The following ASAP2 variants were observed in gnomAD, a reference collection of about 807,000 sequenced individuals.
ASAP2 encodes ArfGAP with SH3 domain, ankyrin repeat and PH domain 2.
ASAP2 carries 45 observed loss-of-function variants against 131.4 expected under a neutral mutation model. That is an observed-to-expected ratio of 0.34 (90% CI 0.27 to 0.44). The LOEUF is 0.44. Among genes scored for constraint, ASAP2 ranks in the 20% least tolerant of loss-of-function variants. The pLI, the probability that ASAP2 is intolerant of heterozygous loss-of-function variation, is 1.00. For missense variants in ASAP2, 1,011 were observed against 1,297.0 expected (o/e 0.78, Z 3.39); for synonymous variants, 510 against 503.0 (o/e 1.01, Z -0.19).
intron 26 of ASAP2, among the ~76,000 whole-genome samples, 189 bp from the exon 27 acceptor site, chr2:9,401,085 G>A (rs948598664): frequency 1.3e-5 from 2 of 151,960 alleles, no homozygotes; most frequent in Non-Finnish European, 2.9e-5. Context: ...CTCTCTGCTT[G>A]GTGGGGAGCT....
chr2:9,314,669 C>T (rs1669523765), intron 3 of ASAP2, among the ~76,000 whole-genome samples: 1 of 152,126 alleles, frequency 6.6e-6, no homozygotes, highest in Non-Finnish European at 1.5e-5. Context: ...TGTAGTGGCT[C>T]ATACCTGTAA....
intron 1 of ASAP2, among the ~76,000 whole-genome samples, chr2:9,208,023 G>A (rs1209407320): frequency 6.6e-6 from 1 of 152,186 alleles, no homozygotes; most frequent in African/African-American, 2.4e-5. Context: ...AAGAAGCTTG[G>A]TTGAAAATTA....
chr2:9,230,683 GC>G (rs1663095591), intron 1 of ASAP2, among the ~76,000 whole-genome samples: 1 of 152,234 alleles, frequency 6.6e-6, no homozygotes, highest in Admixed American at 6.5e-5. Flanking sequence ...TTCCATCACA[GC>G]TGGGAGTAAG....
chr2:9,344,988 ATG>A (rs887118583), intron 11 of ASAP2, among the ~76,000 whole-genome samples, 188 bp downstream of exon 11: 2 of 36,924 alleles, frequency 5.4e-5, no homozygotes, highest in Admixed American at 4.4e-4. Context: ...CAGCCTGTTT[ATG>A]TTTTTTTTTT....
intron 4 of ASAP2, 134 bp from the exon 5 acceptor site, chr2:9,320,154 T>A: frequency 1.4e-6 from 1 of 711,806 alleles, no homozygotes; most frequent in Non-Finnish European, 2.4e-6. Context: ...TGGTTCTTTA[T>A]TTTTCGTGGG....
chr2:9,282,856 C>T (rs1667218468), intron 2 of ASAP2, among the ~76,000 whole-genome samples: 1 of 152,218 alleles, frequency 6.6e-6, no homozygotes, highest in East Asian at 1.9e-4. Flanking sequence ...ATCTCTGTAC[C>T]AGTGTCCCTC....
intron 9 of ASAP2, among the ~76,000 whole-genome samples, chr2:9,338,318 T>C (rs1671353952): frequency 6.6e-6 from 1 of 152,068 alleles, no homozygotes; most frequent in African/African-American, 2.4e-5. Context: ...TGTCTGTCTG[T>C]GTCTGTCTAT....
chr2:9,333,152 A>T (rs1005601827), intron 7 of ASAP2, among the ~76,000 whole-genome samples: 3 of 152,390 alleles, frequency 2.0e-5, no homozygotes, highest in Admixed American at 6.5e-5. Flanking sequence ...ATCACCTCAC[A>T]TGACATATGT....
At chr2:9,236,791 A>C (rs1663583480) in intron 1 of ASAP2, among the ~76,000 whole-genome samples, 1 of 152,142 alleles carries the variant, frequency 6.6e-6, no homozygotes, top group South Asian at 2.1e-4. Flanking sequence ...AGCACAGTTA[A>C]ATTTTTTTTT....
chr2:9,207,068 C>A lies in ASAP2; in HGVS notation c.-37C>A, dbSNP rs1268538453. The A allele has an allele frequency of 6.7e-7, 1 of 1,503,716 alleles. No individual in the cohort carries two copies. Among genetic ancestry groups the A allele is most frequent in the Admixed American group, 2.0e-5 (1 of 50,088 alleles). The allele number at this position is 1,503,716 out of a possible 1,614,324, so 93.1% of individuals were successfully genotyped here. On this transcript the variant is annotated 5_prime_UTR_variant, in exon 1 of 28. Transcript: ENST00000281419. The surrounding 1 kb of genome is among the most constrained non-coding windows in gnomAD (Gnocchi z 4.1). The stretch of plus-strand genomic sequence containing the variant: ...GCTGCGGCAGTTGAGGCGGCGGCGC[C>A]CCTGCGGCTGTGCGCCAGCGCCCTC...
At chr2:9,243,823 G>A (rs2148093235) in intron 1 of ASAP2, among the ~76,000 whole-genome samples, 1 of 152,322 alleles carries the variant, frequency 6.6e-6, no homozygotes, top group South Asian at 2.1e-4. Context: ...AGGACTCACA[G>A]TTTAGTTGTG....
At chr2:9,321,383 A>G (rs188329999) in intron 5 of ASAP2, among the ~76,000 whole-genome samples, 5 of 152,288 alleles carry the variant, frequency 3.3e-5, no homozygotes, top group African/African-American at 1.2e-4. Context: ...ACATTCATTC[A>G]GAAGCACAGG....
At chr2:9,326,659 A>G (rs1417808986) in intron 6 of ASAP2, among the ~76,000 whole-genome samples, 4 of 152,238 alleles carry the variant, frequency 2.6e-5, no homozygotes, top group Non-Finnish European at 5.9e-5. Context: ...AAAAAATCGT[A>G]TAAGTAGATC....
At chr2:9,368,395 G>A in intron 15 of ASAP2, 30 bp from the exon 16 acceptor site, 2 of 1,576,856 alleles carry the variant, frequency 1.3e-6, no homozygotes, top group Non-Finnish European at 1.7e-6. Flanking sequence ...TAATAATTGA[G>A]TATCCTGAAA....
chr2:9,323,355 A>G (rs1670273630), intron 6 of ASAP2, 105 bp downstream of exon 6: 1 of 1,490,614 alleles, frequency 6.7e-7, no homozygotes. Context: ...AAAACACCAC[A>G]TGCATTGCTG....
intron 1 of ASAP2, among the ~76,000 whole-genome samples, chr2:9,243,321 G>A (rs986271961): frequency 2.0e-5 from 3 of 152,166 alleles, no homozygotes; most frequent in Non-Finnish European, 4.4e-5. Context: ...TGTTAGCCAG[G>A]ATGGTCTCGA....
chr2:9,346,600 G>C (rs1381093886), intron 11 of ASAP2, among the ~76,000 whole-genome samples: 1 of 152,220 alleles, frequency 6.6e-6, no homozygotes, highest in East Asian at 1.9e-4. Context: ...CTCAACACCT[G>C]TGGTTCTGTG....
At chr2:9,393,350 A>G in intron 23 of ASAP2, 132 bp from the exon 24 acceptor site, 1 of 824,060 alleles carries the variant, frequency 1.2e-6, no homozygotes, top group Non-Finnish European at 1.8e-6. Flanking sequence ...CTGGCAAGGA[A>G]ATAGCAGCAG....
intron 19 of ASAP2, 97 bp from the exon 20 acceptor site, chr2:9,380,644 T>G: frequency 8.8e-7 from 1 of 1,140,992 alleles, no homozygotes; most frequent in Non-Finnish European, 1.3e-6. Flanking sequence ...CAATTTAATT[T>G]AGTGCTGCCT....
Sources: gnomAD v4.1 joint callset for allele counts (sites outside exome capture counted in the v4.1 genomes callset) on GRCh38, gnomAD v4.1.1 for gene constraint, Gnocchi (gnomAD v3.1) non-coding constraint, MANE v1.5 for transcripts, NCBI Gene and HGNC (gene_info 2026-07-23, HGNC 2026-07-21) for gene names.